CDH4: variants seen among roughly 807,000 people sequenced by gnomAD.
CDH4 encodes cadherin-4.
CDH4 carries 33 observed loss-of-function variants against 86.0 expected under a neutral mutation model. That is an observed-to-expected ratio of 0.38 (90% CI 0.29 to 0.51). The LOEUF is 0.51. Among genes scored for constraint, CDH4 ranks in the 20% least tolerant of loss-of-function variants. The pLI is 0.86. For missense variants in CDH4, 1,114 were observed against 1,307.4 expected, an observed-to-expected ratio of 0.85 and a Z score of 2.28; for synonymous variants, 555 against 549.4, an observed-to-expected ratio of 1.01 and a Z score of -0.14.
At chr20:61,565,227 G>GTGA (rs1163070288) in intron 2 of CDH4, among the ~76,000 whole-genome samples, 1 of 41,746 alleles carries the variant, frequency 2.4e-5, no homozygotes. Flanking sequence ...GTGGTAGGTG[G>GTGA]TGGTGGTGGT....
chr20:61,337,037 G>T (rs2084620931), intron 2 of CDH4, among the ~76,000 whole-genome samples: 1 of 152,064 alleles, frequency 6.6e-6, no homozygotes, highest in Admixed American at 6.5e-5. Context: ...TTCACAGCAA[G>T]GGCTGGAGAC....
chr20:61,351,240 G>GC (rs72540395), intron 2 of CDH4, among the ~76,000 whole-genome samples: 1 of 51,460 alleles, frequency 1.9e-5, no homozygotes, highest in Non-Finnish European at 3.5e-5. Context: ...AACATGGACA[G>GC]ATTTTTTCTT....
chr20:61,731,037 G>A (rs886876678), intron 2 of CDH4, among the ~76,000 whole-genome samples: 3 of 152,058 alleles, frequency 2.0e-5, no homozygotes, highest in Non-Finnish European at 4.4e-5. Flanking sequence ...GTGCTGTGTG[G>A]GCAGACCCCA....
At chr20:61,549,882 G>T (rs1227886909) in intron 2 of CDH4, among the ~76,000 whole-genome samples, 1 of 152,218 alleles carries the variant, frequency 6.6e-6, no homozygotes, top group Non-Finnish European at 1.5e-5. Context: ...TGCAGAATGG[G>T]CGCTTCCTGT....
chr20:61,295,494 G>T (rs1022077399), intron 2 of CDH4, among the ~76,000 whole-genome samples: 3 of 152,232 alleles, frequency 2.0e-5, no homozygotes, highest in Non-Finnish European at 4.4e-5. Context: ...CGACTGTTGC[G>T]GAGTGGAAGT....
intron 4 of CDH4, among the ~76,000 whole-genome samples, chr20:61,779,392 G>A (rs930642191): frequency 1.3e-5 from 2 of 152,190 alleles, no homozygotes; most frequent in African/African-American, 4.8e-5. Context: ...AGGCTCTGGA[G>A]GGAGGTCGCT....
At chr20:61,543,558 T>G (rs922253001) in intron 2 of CDH4, among the ~76,000 whole-genome samples, 9 of 152,208 alleles carry the variant, frequency 5.9e-5, no homozygotes, top group African/African-American at 1.4e-4. Flanking sequence ...AAACCAAGCA[T>G]TATCTTTCTA....
intron 2 of CDH4, among the ~76,000 whole-genome samples, chr20:61,284,160 A>C (rs1165758542): frequency 6.6e-5 from 10 of 152,040 alleles, no homozygotes; most frequent in African/African-American, 2.2e-4. Flanking sequence ...AAAAAAAAAA[A>C]AAAAACTGGC....
intron 2 of CDH4, among the ~76,000 whole-genome samples, chr20:61,509,721 G>T (rs1279674381): frequency 6.6e-6 from 1 of 152,072 alleles, no homozygotes; most frequent in Non-Finnish European, 1.5e-5. Flanking sequence ...GGGAACAACA[G>T]GCTGAATTTG....
At chr20:61,503,532 C>T (rs988019249) in intron 2 of CDH4, among the ~76,000 whole-genome samples, 4 of 152,114 alleles carry the variant, frequency 2.6e-5, no homozygotes, top group East Asian at 1.9e-4. Flanking sequence ...TGGATGTTGG[C>T]GTCGGGTCAT....
Position 61,730,934 on chromosome 20 carries a change from C to G in CDH4, c.170-12629C>G, listed in dbSNP as rs142763061. ...TGGATTGGGTGTCCAGTTGGGGTAT[C>G]CAGGGGCTCCGGCTCCCACGTGGAA... On this transcript the variant is annotated intron_variant, in intron 2 of 15. Transcript: ENST00000614565. Among the ~76,000 whole-genome samples the G allele has an allele frequency of 5.5e-5, 8 of 146,100 alleles. No homozygotes were observed. The East Asian group carries it at 1.5e-3, about 28-fold the overall frequency.
At position 61,455,800 on chromosome 20, in the gene CDH4, G is replaced by A. The variant is rs117191918; in HGVS notation, c.169+200863G>A. ...GCTTGACTCTGAGATCCTCGAGGAC[G>A]CTGTGTATGGTCCTTACATGTCATC... is the stretch of plus-strand genomic sequence containing the variant. On this transcript the variant is annotated intron_variant, in intron 2 of 15. Coordinates refer to ENST00000614565, the MANE Select transcript of CDH4 (RefSeq NM_001794.5). Among the ~76,000 whole-genome samples, 62 of 152,280 alleles carry A rather than the reference G, an allele frequency of 4.1e-4. No homozygotes were observed. In the East Asian group the frequency reaches 7.9e-3, roughly 19 times the overall value.
chr20:61,329,547 C>T (rs927096956), intron 2 of CDH4, among the ~76,000 whole-genome samples: 1 of 151,770 alleles, frequency 6.6e-6, no homozygotes, highest in African/African-American at 2.4e-5. Flanking sequence ...CTCTCTCTCT[C>T]CTGCTTTGTA....
rs919253501 is a variant in CDH4 at position 61,754,676 on chromosome 20, C to G, written c.396+10887C>G. Among the ~76,000 whole-genome samples the G allele has an allele frequency of 6.7e-6, 1 of 150,264 alleles. No homozygotes were observed. The highest frequency in any genetic ancestry group is 2.5e-5 in the African/African-American group (1 of 40,768). On this transcript the variant is annotated intron_variant, in intron 3 of 15. Transcript: ENST00000614565. This position sits in a 1 kb window ranked among gnomAD's most constrained non-coding sequence, Gnocchi z 4.7. Reference sequence around the variant, plus strand: ...CACACGCACACACGCCCCGCACACACTATGCACACCACACACACAGTGCAT... The same window carrying G: ...CACACGCACACACGCCCCGCACACAGTATGCACACCACACACACAGTGCAT...
At chr20:61,646,092 C>G (rs1211197478) in intron 2 of CDH4, among the ~76,000 whole-genome samples, 1 of 152,120 alleles carries the variant, frequency 6.6e-6, no homozygotes, top group East Asian at 1.9e-4. Context: ...CACTCACAGC[C>G]CAGGTCATGG....
chr20:61,883,996 C>A (rs28447167), intron 7 of CDH4, among the ~76,000 whole-genome samples: 3,666 of 152,264 alleles, frequency 0.024, 141 homozygotes, highest in African/African-American at 0.08. Flanking sequence ...TTCTTTGTGG[C>A]CTCCCCTGCC....
intron 3 of CDH4, among the ~76,000 whole-genome samples, chr20:61,767,274 T>A (rs2088711055): frequency 6.6e-6 from 1 of 152,210 alleles, no homozygotes. Flanking sequence ...GTGGATGCAG[T>A]GGCTTAAGTC....
intron 2 of CDH4, among the ~76,000 whole-genome samples, chr20:61,503,597 G>A (rs2145603645): frequency 6.6e-6 from 1 of 152,220 alleles, no homozygotes; most frequent in East Asian, 1.9e-4. Context: ...ATATGTTAGA[G>A]GTAATATGTC....
In CDH4 at chr20:61,754,445, C is replaced by T. The variant is rs1023198856; in HGVS notation, c.396+10656C>T. Among the ~76,000 whole-genome samples, 54 of 152,174 alleles carry T rather than the reference C, an allele frequency of 3.5e-4. No individual in the cohort carries two copies. The highest frequency in any genetic ancestry group is 1.3e-3 in the African/African-American group (52 of 41,426). On this transcript the variant is annotated intron_variant, in intron 3 of 15. Coordinates refer to ENST00000614565, the MANE Select transcript of CDH4 (RefSeq NM_001794.5). The surrounding 1 kb of genome is among the most constrained non-coding windows in gnomAD (Gnocchi z 4.7). ...CGCCCACGGCAGCCCCCAGGTCCCT[C>T]TGCTGCTACCCAGGCCCTTCCACTG...
Sources: allele counts gnomAD v4.1 joint callset (sites outside exome capture counted in the v4.1 genomes callset), GRCh38; gene constraint gnomAD v4.1.1; non-coding constraint Gnocchi (gnomAD v3.1); transcripts MANE v1.5; gene names NCBI Gene and HGNC (gene_info 2026-07-23, HGNC 2026-07-21).